Variants in PCDHA7 observed in about 807,000 individuals in gnomAD.
The protein encoded by PCDHA7 is protocadherin alpha-7.
PCDHA7 carries 37 observed loss-of-function variants against 57.2 expected under a neutral mutation model. That is an observed-to-expected ratio of 0.65 (90% CI 0.50 to 0.85). PCDHA7 has a LOEUF of 0.85. Ranked by LOEUF, PCDHA7 falls within the 40% of genes least tolerant of loss-of-function variation. The pLI is 0.00. For synonymous variants in PCDHA7, 553 were observed against 558.8 expected, an observed-to-expected ratio of 0.99 and a Z score of 0.15; for missense variants, 1,188 against 1,241.8, an observed-to-expected ratio of 0.96 and a Z score of 0.65.
chr5:140,846,192 T>C (rs1293745593), intron 1 of PCDHA7, among the ~76,000 whole-genome samples: 1 of 149,496 alleles, frequency 6.7e-6, no homozygotes, highest in Non-Finnish European at 1.5e-5. Flanking sequence ...TTGAGTTCTT[T>C]GTATGTATGA....
In PCDHA7 at chr5:140,883,629, C is replaced by T. The variant is rs1467301210; in HGVS notation, c.2355+46891C>T. ...GCCGACGTGAACGACAACGCGCCGGCGTTCGCGCAGCCCGAGTACACGGTG... is the reference window on the plus strand; with the variant it reads ...GCCGACGTGAACGACAACGCGCCGGTGTTCGCGCAGCCCGAGTACACGGTG... On this transcript the variant is annotated intron_variant, in intron 1 of 3. Transcript: ENST00000525929. 6.2e-7 allele frequency: 1 copy of T among 1,613,868 alleles called. No individual in the cohort carries two copies. Among genetic ancestry groups the T allele is most frequent in the African/African-American group, 1.3e-5 (1 of 74,936 alleles).
At chr5:140,966,860 T>TTGC (rs148181752) in intron 1 of PCDHA7, 11 of 1,577,372 alleles carry the variant, frequency 7.0e-6, no homozygotes, top group Non-Finnish European at 9.4e-6. Flanking sequence ...CCTGCTGCTG[T>TTGC]TGCTGCTGCT....
At chr5:140,972,296 T>C (rs1303430452) in intron 1 of PCDHA7, among the ~76,000 whole-genome samples, 2 of 151,468 alleles carry the variant, frequency 1.3e-5, no homozygotes, top group Non-Finnish European at 2.9e-5. Flanking sequence ...TGCGCCACCG[T>C]GTCTGACTAG....
At chr5:140,984,576 C>G (rs1309554018) in intron 3 of PCDHA7, among the ~76,000 whole-genome samples, 1 of 152,104 alleles carries the variant, frequency 6.6e-6, no homozygotes, top group African/African-American at 2.4e-5. Context: ...CCATGGCAAC[C>G]TAATCATACT....
chr5:140,857,073 A>G (rs782238591), intron 1 of PCDHA7: 1 of 1,596,904 alleles, frequency 6.3e-7, no homozygotes, highest in East Asian at 2.2e-5. Context: ...CTACTGGATG[A>G]AAATGATAAT....
Position 141,009,935 on chromosome 5 carries a change from T to TGAG in PCDHA7, c.2814_*2dup. Reference sequence around the variant, plus strand: ...CAGCACGACTGACAACAGTGACCAGTGAGGTCCTCAAATGGAAACAAGCCA... The same window carrying TGAG: ...CAGCACGACTGACAACAGTGACCAGTGAGGAGGTCCTCAAATGGAAACAAGCCA... On this transcript the variant is annotated inframe_insertion and stop_retained_variant, in exon 4 of 4. Transcript: ENST00000525929. 6.2e-7 allele frequency: 1 copy of TGAG among 1,602,418 alleles called. No individual in the cohort carries two copies. The highest frequency in any genetic ancestry group is 8.5e-7 in the Non-Finnish European group (1 of 1,176,054).
intron 1 of PCDHA7, among the ~76,000 whole-genome samples, chr5:140,933,313 C>T (rs977318847): frequency 3.9e-5 from 6 of 151,916 alleles, no homozygotes; most frequent in African/African-American, 1.4e-4. Context: ...TATGCAATCT[C>T]GTATTCTCCT....
chr5:140,977,122 AG>A (rs2096747423), intron 1 of PCDHA7, among the ~76,000 whole-genome samples: 1 of 152,226 alleles, frequency 6.6e-6, no homozygotes, highest in South Asian at 2.1e-4. Flanking sequence ...TAATGAACTG[AG>A]TTTCCTGGTC....
intron 1 of PCDHA7, chr5:140,848,913 C>A (rs2150424583): frequency 6.2e-7 from 1 of 1,608,160 alleles, no homozygotes; most frequent in South Asian, 1.1e-5. Flanking sequence ...ACAAAAGAAT[C>A]TGTTCATCGC....
At chr5:140,884,293 G>A in intron 1 of PCDHA7, 2 of 1,613,666 alleles carry the variant, frequency 1.2e-6, no homozygotes, top group Non-Finnish European at 1.7e-6. Flanking sequence ...GCGGCCAAGC[G>A]CCACAGGCTT....
chr5:140,842,154 C>A, intron 1 of PCDHA7: 1 of 1,613,876 alleles, frequency 6.2e-7, no homozygotes, highest in Non-Finnish European at 8.5e-7. Flanking sequence ...GGGGCAATTT[C>A]ATATTCTTTT....
At chr5:140,963,957 A>T (rs1585999636) in intron 1 of PCDHA7, among the ~76,000 whole-genome samples, 1 of 152,230 alleles carries the variant, frequency 6.6e-6, no homozygotes. Flanking sequence ...CACTGGCAGG[A>T]GTGTGACTGA....
At chr5:140,978,222 G>A (rs997273847) in intron 1 of PCDHA7, among the ~76,000 whole-genome samples, 7 of 152,298 alleles carry the variant, frequency 4.6e-5, no homozygotes, top group East Asian at 1.9e-4. Context: ...AATGTATCAG[G>A]TTTTTCTTGG....
intron 3 of PCDHA7, among the ~76,000 whole-genome samples, chr5:140,986,736 A>G (rs1056820843): frequency 1.3e-5 from 2 of 152,206 alleles, no homozygotes; most frequent in Non-Finnish European, 2.9e-5. Flanking sequence ...TCAAGACCCC[A>G]GGGGATCTGG....
intron 1 of PCDHA7, among the ~76,000 whole-genome samples, chr5:140,971,214 C>T (rs1285730991): frequency 6.6e-6 from 1 of 152,172 alleles, no homozygotes; most frequent in African/African-American, 2.4e-5. Flanking sequence ...GTTACCCTCC[C>T]TCTCCTGACT....
intron 1 of PCDHA7, among the ~76,000 whole-genome samples, chr5:140,908,808 A>C (rs781863210): frequency 6.6e-6 from 1 of 152,068 alleles, no homozygotes; most frequent in Non-Finnish European, 1.5e-5. Flanking sequence ...AAAAAGTGAG[A>C]GCCTTTTGGG....
chr5:140,965,323 G>A (rs2095891055), intron 1 of PCDHA7, among the ~76,000 whole-genome samples: 1 of 152,176 alleles, frequency 6.6e-6, no homozygotes, highest in South Asian at 2.1e-4. Flanking sequence ...TTTTACTGAA[G>A]TGAATTTGTT....
At chr5:140,922,841 A>G (rs982832745) in intron 1 of PCDHA7, among the ~76,000 whole-genome samples, 67 of 152,372 alleles carry the variant, frequency 4.4e-4, no homozygotes, top group African/African-American at 1.5e-3. Flanking sequence ...GATGTCCTCA[A>G]AGAGACCAAA....
rs2042039547 is a variant in PCDHA7 at position 140,851,365 on chromosome 5, CT to C, written c.2355+14628del. The C allele has an allele frequency of 3.1e-6, 3 of 976,302 alleles. 1 individual carries two copies. Among genetic ancestry groups the C allele is most frequent in the Non-Finnish European group, 3.7e-6 (3 of 804,962 alleles). The allele number at this position is 976,302 out of a possible 1,614,324, so 60.5% of individuals were successfully genotyped here. On this transcript the variant is annotated intron_variant, in intron 1 of 3. Transcript: ENST00000525929. Reference sequence around the variant, plus strand: ...TTCTCTGGATGGAGACTGTGAACATCTGATTGTTCAGCAACCTTCAGTATCT... The same window carrying C: ...TTCTCTGGATGGAGACTGTGAACATCGATTGTTCAGCAACCTTCAGTATCT...
Sources: allele counts gnomAD v4.1 joint callset (sites outside exome capture counted in the v4.1 genomes callset), GRCh38; gene constraint gnomAD v4.1.1; transcripts MANE v1.5; gene names NCBI Gene and HGNC (gene_info 2026-07-23, HGNC 2026-07-21).